Variants in ARHGEF9 observed in about 807,000 individuals in gnomAD.
ARHGEF9 encodes Cdc42 guanine nucleotide exchange factor 9, also known as rho guanine nucleotide exchange factor 9.
In ARHGEF9, 2 loss-of-function variants were observed where a neutral mutation model predicts 41.3. That is an observed-to-expected ratio of 0.05 (90% CI 0.02 to 0.15). The LOEUF (loss-of-function observed/expected upper bound fraction) is 0.15, where lower values mean the gene tolerates loss of function less well. Among genes scored for constraint, ARHGEF9 ranks in the 10% least tolerant of loss-of-function variants. ARHGEF9 has a pLI of 1.00. For synonymous variants in ARHGEF9, 160 were observed against 154.4 expected, an observed-to-expected ratio of 1.04 and a Z score of -0.27; for missense variants, 225 against 424.7, an observed-to-expected ratio of 0.53 and a Z score of 4.13.
At chrX:63,779,516 A>T (rs1437292739) in intron 1 of ARHGEF9, among the ~76,000 whole-genome samples, 1 of 111,418 alleles carries the variant, frequency 9.0e-6, no homozygotes, top group Non-Finnish European at 1.9e-5. Flanking sequence ...CCATGATTTG[A>T]TTACCTTCCC....
rs190895605 is a variant in ARHGEF9, at chrX:63,736,423, C to T, written c.31-11712G>A. 2.7e-5 allele frequency among the ~76,000 whole-genome samples: 3 copies of T among 110,572 alleles called. No individual in the cohort carries two copies. The East Asian group carries it at 8.5e-4, about 31-fold the overall frequency. ...TAGTAAGGTGTCAGGGCTTGAACTC[C>T]TTTTAACTGTCTCAGCTCAAGAGCC... On this transcript the variant is annotated intron_variant, in intron 1 of 9. Coordinates refer to ENST00000671741, the MANE Select transcript of ARHGEF9 (RefSeq NM_001353921.2).
At chrX:63,745,265 T>A (rs1556432258) in intron 1 of ARHGEF9, among the ~76,000 whole-genome samples, 2 of 110,404 alleles carry the variant, frequency 1.8e-5, no homozygotes, top group African/African-American at 6.6e-5. Flanking sequence ...AGTGCTGGCC[T>A]CCTCTGGGCC....
chrX:63,655,114 C>G (rs2048799133), intron 8 of ARHGEF9, among the ~76,000 whole-genome samples: 1 of 112,403 alleles, frequency 8.9e-6, no homozygotes, highest in African/African-American at 3.2e-5. Flanking sequence ...TAGTTAACAT[C>G]TGAAGTATCC....
intron 1 of ARHGEF9, among the ~76,000 whole-genome samples, chrX:63,761,826 CTATTT>C (rs1259206399): frequency 9.0e-6 from 1 of 111,644 alleles, no homozygotes; most frequent in Non-Finnish European, 1.9e-5. Context: ...TCACATGAAT[CTATTT>C]TGGGCCTATT....
intron 8 of ARHGEF9, among the ~76,000 whole-genome samples, chrX:63,655,291 G>A (rs1265983713): frequency 8.9e-6 from 1 of 111,870 alleles, no homozygotes; most frequent in Non-Finnish European, 1.9e-5. Flanking sequence ...AGTAGGGGAG[G>A]ACAACCTATA....
At chrX:63,640,140 A>T (rs1288212431) in intron 9 of ARHGEF9, 2 of 112,424 alleles carry the variant, frequency 1.8e-5, no homozygotes, top group Admixed American at 1.9e-4. Flanking sequence ...CAAAAAAATG[A>T]TACACGTTTA....
At chrX:63,692,675 T>A (rs1356951978) in intron 4 of ARHGEF9, among the ~76,000 whole-genome samples, 1 of 112,019 alleles carries the variant, frequency 8.9e-6, no homozygotes, top group Non-Finnish European at 1.9e-5. Flanking sequence ...AAGTACCATA[T>A]GATCCAGCAA....
intron 1 of ARHGEF9, chrX:63,767,104 C>T: frequency 1.0e-6 from 1 of 989,506 alleles, no homozygotes. Flanking sequence ...GCATCTCTAG[C>T]AGTGAACACT....
chrX:63,636,644 AAG>A lies in ARHGEF9; in HGVS notation c.*1382_*1383del, dbSNP rs1556298120. The stretch of plus-strand genomic sequence containing the variant: ...TGCTAGGATGGCAGGAGAAAGAAGA[AAG>A]AGAGAGGGAAAGAAAGAAGCCAGGG... On this transcript the variant is annotated 3_prime_UTR_variant, in exon 10 of 10. Transcript: ENST00000671741. 2 of 272,153 alleles carry A rather than the reference AAG, an allele frequency of 7.3e-6. No individual in the cohort carries two copies. Among genetic ancestry groups the A allele is most frequent in the Non-Finnish European group, 1.3e-5 (2 of 155,343 alleles). The allele number at this position is 272,153 out of a possible 1,213,427, so 22.4% of individuals were successfully genotyped here.
intron 1 of ARHGEF9, among the ~76,000 whole-genome samples, chrX:63,780,665 T>C (rs1337889451): frequency 8.9e-6 from 1 of 112,042 alleles, no homozygotes; most frequent in Non-Finnish European, 1.9e-5. Flanking sequence ...TTGGTCAAAG[T>C]TTAAAACAAT....
intron 4 of ARHGEF9, among the ~76,000 whole-genome samples, chrX:63,693,288 T>A (rs782008805): frequency 6.9e-4 from 77 of 111,992 alleles, no homozygotes; most frequent in Admixed American, 2.6e-3. Flanking sequence ...ATGTTTGAGA[T>A]GATGGCTATC....
At chrX:63,771,720 C>T (rs1242019131) in intron 1 of ARHGEF9, among the ~76,000 whole-genome samples, 1 of 110,865 alleles carries the variant, frequency 9.0e-6, no homozygotes, top group Admixed American at 9.6e-5. Flanking sequence ...GCATGAGCCA[C>T]CGCGACTGGC....
In ARHGEF9 at chrX:63,635,327, C is replaced by T. The variant is rs782569116; in HGVS notation, c.*2701G>A. ...ATAATTAGATGTCTGTCTTAGGACT[C>T]CCCACAGCAGGTCCCATTGAACACA... On this transcript the variant is annotated 3_prime_UTR_variant, in exon 10 of 10. Coordinates refer to ENST00000671741, the MANE Select transcript of ARHGEF9 (RefSeq NM_001353921.2). The T allele has an allele frequency of 7.7e-6, 4 of 520,596 alleles. 1 individual carries two copies. Among genetic ancestry groups the T allele is most frequent in the East Asian group, 7.3e-5 (2 of 27,448 alleles). 42.9% of individuals were successfully genotyped at this position (520,596 alleles called of 1,213,427 possible).
chrX:63,686,577 G>A (rs2050995484), intron 4 of ARHGEF9, among the ~76,000 whole-genome samples: 1 of 111,768 alleles, frequency 8.9e-6, no homozygotes. Flanking sequence ...AAAAGACACA[G>A]TTAAGAAAAT....
At chrX:63,701,741 G>C (rs1481065714) in intron 3 of ARHGEF9, 1 of 111,285 alleles carries the variant, frequency 9.0e-6, no homozygotes, top group Admixed American at 9.6e-5. Context: ...AATATACAAG[G>C]AACTCTTACA....
chrX:63,750,786 T>C (rs1295782369), intron 1 of ARHGEF9, among the ~76,000 whole-genome samples: 2 of 111,816 alleles, frequency 1.8e-5, no homozygotes, highest in Non-Finnish European at 3.8e-5. Flanking sequence ...AGAAAGGAAT[T>C]TGAAACCAGG....
chrX:63,693,611 C>CAA (rs782546360), intron 4 of ARHGEF9, among the ~76,000 whole-genome samples: 573 of 33,521 alleles, frequency 0.017, 17 homozygotes, highest in African/African-American at 0.048. Context: ...GATTCCATCT[C>CAA]AAAAAAAAAA....
intron 1 of ARHGEF9, among the ~76,000 whole-genome samples, chrX:63,754,113 A>G (rs1374132872): frequency 1.8e-5 from 2 of 112,154 alleles, no homozygotes; most frequent in Non-Finnish European, 3.8e-5. Flanking sequence ...CACCACAGAC[A>G]GCAAAGCCAC....
At chrX:63,677,999 G>C (rs782785558) in intron 5 of ARHGEF9, among the ~76,000 whole-genome samples, 3 of 111,553 alleles carry the variant, frequency 2.7e-5, no homozygotes, top group Admixed American at 1.9e-4. Context: ...CATGGGTGTG[G>C]GCCAGTTGGT....
Sources: gnomAD v4.1 joint callset for allele counts (sites outside exome capture counted in the v4.1 genomes callset) on GRCh38, gnomAD v4.1.1 for gene constraint, MANE v1.5 for transcripts, NCBI Gene and HGNC (gene_info 2026-07-23, HGNC 2026-07-21) for gene names.